The following RPS6KA1 variants were observed in gnomAD, a reference collection of about 807,000 sequenced individuals.
The protein encoded by RPS6KA1 is ribosomal protein S6 kinase alpha-1.
A neutral mutation model predicts 91.3 loss-of-function variants in RPS6KA1; 48 were observed. The ratio of observed to expected loss-of-function variants is 0.53; its 90% CI spans 0.42 to 0.67. The LOEUF (loss-of-function observed/expected upper bound fraction) is 0.67, where lower values mean the gene tolerates loss of function less well. RPS6KA1 is among the 30% of genes least tolerant of loss of function. The pLI is 0.00. For synonymous variants in RPS6KA1, 359 were observed against 384.7 expected, an observed-to-expected ratio of 0.93 and a Z score of 0.78; for missense variants, 719 against 960.5, an observed-to-expected ratio of 0.75 and a Z score of 3.32.
At chr1:26,565,221 G>T (rs1270637501) in intron 17 of RPS6KA1, among the ~76,000 whole-genome samples, 1 of 152,168 alleles carries the variant, frequency 6.6e-6, no homozygotes, top group Non-Finnish European at 1.5e-5. Flanking sequence ...GGGTTGGTTT[G>T]TCAGCAGCAG....
intron 6 of RPS6KA1, chr1:26,552,919 T>G (rs1187259433): frequency 1.2e-5 from 4 of 345,854 alleles, no homozygotes; most frequent in Non-Finnish European, 1.7e-5. Flanking sequence ...ATTGGTTTCT[T>G]GTTTAACTTT....
chr1:26,559,167 C>T (rs1008570235), intron 14 of RPS6KA1, among the ~76,000 whole-genome samples: 3 of 152,158 alleles, frequency 2.0e-5, no homozygotes, highest in African/African-American at 7.2e-5. Context: ...GGGTACATGT[C>T]AGGAGGTGCC....
chr1:26,553,289 T>C (rs2124639220), intron 6 of RPS6KA1, 102 bp from the exon 7 acceptor site: 1 of 738,772 alleles, frequency 1.4e-6, no homozygotes, highest in South Asian at 1.6e-5. Flanking sequence ...CCAAGGGTCC[T>C]CCCAGGGTGG....
chr1:26,551,779 C>A lies in RPS6KA1; in HGVS notation c.468+56C>A. ...GGGATGGAGCTGAGGGACGACAAGT[C>A]CTCCCATCCCAGGGCCCTGTACAGA... is the stretch of plus-strand genomic sequence containing the variant. On this transcript the variant is annotated intron_variant, in intron 6 of 21. Coordinates refer to ENST00000374168, the MANE Select transcript of RPS6KA1 (RefSeq NM_002953.4). The surrounding 1 kb of genome is among the most constrained non-coding windows in gnomAD (Gnocchi z 4.5). 6.9e-7 allele frequency: 1 copy of A among 1,444,028 alleles called. No homozygotes were observed. The highest frequency in any genetic ancestry group is 9.8e-7 in the Non-Finnish European group (1 of 1,025,384). The allele number at this position is 1,444,028 out of a possible 1,614,324, so 89.5% of individuals were successfully genotyped here. A position where few individuals can be genotyped will look rare whatever the true frequency, so the allele number is the denominator to read the frequency against.
Position 26,574,129 on chromosome 1 carries a change from C to T in RPS6KA1, c.2136C>T (p.Pro712=). Residue 712 remains proline, a synonymous_variant, in exon 22 of 22, where the codon CCC becomes CCT. Transcript: ENST00000374168. This position sits in a 1 kb window ranked among gnomAD's most constrained non-coding sequence, Gnocchi z 4.3. ...CACTCAACAGCTCCAAGCCCACCCC[C>T]CAGCTGAAGCCCATCGAGTCATCCA... ...YSALNSSKPT[P]QLKPIESSIL... is the part of the protein sequence containing the mutation. 1.2e-6 allele frequency: 2 copies of T among 1,614,174 alleles called. No individual in the cohort carries two copies. The highest frequency in any genetic ancestry group is 1.1e-5 in the South Asian group (1 of 91,088).
Position 26,561,561 on chromosome 1 carries a change from G to A in RPS6KA1, c.1488G>A (p.Glu496=), listed in dbSNP as rs747548046. Residue 496 remains glutamate, a synonymous_variant, in exon 17 of 22, where the codon GAG becomes GAA. Transcript: ENST00000374168. This position sits in a 1 kb window ranked among gnomAD's most constrained non-coding sequence, Gnocchi z 5.7. The part of the protein sequence containing the change: ...YLVTELMRGG[E]LLDKILRQKF... ...TGACAGAGCTGATGCGGGGTGGGGA[G>A]CTGCTGGACAAGATCCTGCGGCAGA... The A allele has an allele frequency of 6.2e-7, 1 of 1,614,048 alleles. No homozygotes were observed.
Position 26,557,105 on chromosome 1 carries a change from G to A in RPS6KA1, c.1084+5G>A, listed in dbSNP as rs1385796464. ...TCACGTCCCGCACACCCAAGGGTGC[G>A]TCCCTTATCTGTTTTGTCTGTCTTG... On this transcript the variant is annotated splice_donor_5th_base_variant and intron_variant, in intron 13 of 21. Coordinates refer to ENST00000374168, the MANE Select transcript of RPS6KA1 (RefSeq NM_002953.4). The A allele has an allele frequency of 2.0e-5, 32 of 1,610,392 alleles. No homozygotes were observed. Among genetic ancestry groups the A allele is most frequent in the African/African-American group, 4.0e-5 (3 of 74,852 alleles).
intron 11 of RPS6KA1, 21 bp from the exon 12 acceptor site, chr1:26,556,633 C>T (rs1481587405): frequency 3.7e-6 from 6 of 1,613,826 alleles, no homozygotes. Flanking sequence ...AGGGACAGAC[C>T]CTTCATTTGG....
chr1:26,545,926 G>A lies in RPS6KA1; in HGVS notation c.109-941G>A, dbSNP rs751449941. 3.5e-5 allele frequency: 55 copies of A among 1,590,190 alleles called. 1 individual carries two copies. Among genetic ancestry groups the A allele is most frequent in the Middle Eastern group, 1.9e-4 (1 of 5,142 alleles). ...ATGGAGCAGGATCCCAAGCCGCCCCGTCTGCGGCTCTGGGCCCTGATCCCC... is the reference window on the plus strand; with the variant it reads ...ATGGAGCAGGATCCCAAGCCGCCCCATCTGCGGCTCTGGGCCCTGATCCCC... On this transcript the variant is annotated intron_variant, in intron 2 of 21. Coordinates refer to ENST00000374168, the MANE Select transcript of RPS6KA1 (RefSeq NM_002953.4).
Position 26,554,771 on chromosome 1 carries a change from C to T in RPS6KA1, c.756+33C>T, listed in dbSNP as rs934715071. 4 of 1,572,872 alleles carry T rather than the reference C, an allele frequency of 2.5e-6. No individual in the cohort carries two copies. In the African/African-American group the frequency reaches 5.4e-5, roughly 21 times the overall value. On this transcript the variant is annotated intron_variant, in intron 9 of 21. Transcript: ENST00000374168. The surrounding 1 kb of genome is among the most constrained non-coding windows in gnomAD (Gnocchi z 4.6). Reference sequence around the variant, plus strand: ...CCCAGACAGGGGTAAAGGATCCAGCCCAAGCCTCTGGCCTCAGTCTCCCTA... The same window carrying T: ...CCCAGACAGGGGTAAAGGATCCAGCTCAAGCCTCTGGCCTCAGTCTCCCTA...
intron 17 of RPS6KA1, among the ~76,000 whole-genome samples, chr1:26,569,387 T>C (rs2076231206): frequency 4.6e-5 from 7 of 152,128 alleles, no homozygotes; most frequent in Admixed American, 6.5e-5. Context: ...TCCACATTCC[T>C]GGGGGCCTGG....
At chr1:26,553,782 C>A in intron 7 of RPS6KA1, 1 of 261,270 alleles carries the variant, frequency 3.8e-6, no homozygotes, top group Middle Eastern at 1.2e-3. Flanking sequence ...CTTGATAAAG[C>A]CCTATAGAAT....
rs909991284 is a variant in RPS6KA1, at chr1:26,573,114, C to T, written c.1948-110C>T. 1.0e-5 allele frequency: 12 copies of T among 1,177,078 alleles called. No homozygotes were observed. In the East Asian group the frequency reaches 2.6e-4, roughly 26 times the overall value. 72.9% of individuals were successfully genotyped at this position (1,177,078 alleles called of 1,614,324 possible). A position where few individuals can be genotyped will look rare whatever the true frequency, so the allele number is the denominator to read the frequency against. On this transcript the variant is annotated intron_variant, in intron 20 of 21. Transcript: ENST00000374168. ...AGTGGAGAATGGATCCCAGGGGCTG[C>T]CGCAAGGGTTCAGGCGGGAGCTAGC...
intron 2 of RPS6KA1, 80 bp from the exon 3 acceptor site, chr1:26,546,787 G>A (rs2075998362): frequency 1.9e-6 from 2 of 1,047,170 alleles, no homozygotes; most frequent in African/African-American, 1.6e-5. Flanking sequence ...CTGTGGTCTG[G>A]TGGGAATGGA....
At chr1:26,556,167 G>GCC in intron 11 of RPS6KA1, 1 of 203,670 alleles carries the variant, frequency 4.9e-6, no homozygotes. Context: ...GCATGTAGTA[G>GCC]GTGTCCAGTG....
At chr1:26,548,764 A>G (rs1056626924) in intron 4 of RPS6KA1, among the ~76,000 whole-genome samples, 2 of 150,784 alleles carry the variant, frequency 1.3e-5, no homozygotes, top group Admixed American at 6.7e-5. Flanking sequence ...GCGCCACCAT[A>G]CTCCAGCCTG....
chr1:26,558,990 A>C lies in RPS6KA1; in HGVS notation c.1215+53A>C. On this transcript the variant is annotated intron_variant, in intron 14 of 21. Transcript: ENST00000374168. This position sits in a 1 kb window ranked among gnomAD's most constrained non-coding sequence, Gnocchi z 4.0. ...ATTATCCTTTTCTAAAGAATGGCTGAGTACACAGGCTCTGAGTTGGACAGA... is the reference window on the plus strand; with the variant it reads ...ATTATCCTTTTCTAAAGAATGGCTGCGTACACAGGCTCTGAGTTGGACAGA... 2 of 1,580,650 alleles carry C rather than the reference A, an allele frequency of 1.3e-6. No homozygotes were observed. The highest frequency in any genetic ancestry group is 2.2e-5 in the South Asian group (2 of 88,914).
At chr1:26,530,700 C>T (rs1273542953) in intron 1 of RPS6KA1, 5 of 1,250,640 alleles carry the variant, frequency 4.0e-6, no homozygotes, top group South Asian at 1.3e-5. Context: ...AGTTTGGCTT[C>T]TGCCAGCCCA....
At chr1:26,535,917 G>A (rs971873120) in intron 1 of RPS6KA1, among the ~76,000 whole-genome samples, 8 of 152,168 alleles carry the variant, frequency 5.3e-5, no homozygotes, top group South Asian at 2.1e-4. Context: ...TTGGGAGGCC[G>A]AGGCGGGCGG....
Sources: allele counts gnomAD v4.1 joint callset (sites outside exome capture counted in the v4.1 genomes callset), GRCh38; gene constraint gnomAD v4.1.1; non-coding constraint Gnocchi (gnomAD v3.1); transcripts MANE v1.5; gene names NCBI Gene and HGNC (gene_info 2026-07-23, HGNC 2026-07-21).